Variants in KIAA1217 observed in about 807,000 individuals in gnomAD.
KIAA1217 encodes sickle tail protein homolog.
In KIAA1217, 88 loss-of-function variants were observed where a neutral mutation model predicts 163.9. The observed-to-expected ratio is 0.54, with a 90% CI of 0.45 to 0.64. The LOEUF is 0.64. KIAA1217 is among the 30% of genes least tolerant of loss of function. KIAA1217 has a pLI of 0.00. For missense variants in KIAA1217, 2,372 were observed against 2,475.0 expected (o/e 0.96, Z 0.88); for synonymous variants, 903 against 923.1 (o/e 0.98, Z 0.39).
intron 3 of KIAA1217, among the ~76,000 whole-genome samples, chr10:24,407,764 C>T (rs1412209680): frequency 6.6e-6 from 1 of 152,240 alleles, no homozygotes; most frequent in Middle Eastern, 3.4e-3. Context: ...GATGGCAGTC[C>T]TTAACTGCCA....
intron 2 of KIAA1217, among the ~76,000 whole-genome samples, chr10:24,373,818 C>T (rs2052052841): frequency 6.6e-6 from 1 of 152,192 alleles, no homozygotes; most frequent in Non-Finnish European, 1.5e-5. Context: ...GAGGATGCCT[C>T]AGTGCAGGGA....
At chr10:24,490,117 A>G (rs886294767) in intron 6 of KIAA1217, among the ~76,000 whole-genome samples, 4 of 152,184 alleles carry the variant, frequency 2.6e-5, no homozygotes, top group African/African-American at 9.6e-5. Context: ...TTATGTTTGG[A>G]TCATGAGAAG....
intron 1 of KIAA1217, among the ~76,000 whole-genome samples, chr10:23,788,499 G>T (rs1835598048): frequency 2.0e-5 from 3 of 152,122 alleles, no homozygotes; most frequent in South Asian, 2.1e-4. Flanking sequence ...TCCAAAAAAG[G>T]CTTGGTAGGG....
chr10:23,978,857 A>G (rs1235224483), intron 1 of KIAA1217, among the ~76,000 whole-genome samples: 1 of 152,176 alleles, frequency 6.6e-6, no homozygotes, highest in Non-Finnish European at 1.5e-5. Context: ...CTCTCCTATG[A>G]GGCCACTGAG....
intron 2 of KIAA1217, among the ~76,000 whole-genome samples, chr10:24,363,857 C>A (rs2050370037): frequency 6.6e-6 from 1 of 152,166 alleles, no homozygotes; most frequent in African/African-American, 2.4e-5. Flanking sequence ...CAGGCATGGG[C>A]CACCGCACCA....
At chr10:23,899,936 C>T (rs1336234652) in intron 1 of KIAA1217, among the ~76,000 whole-genome samples, 1 of 150,946 alleles carries the variant, frequency 6.6e-6, no homozygotes, top group Non-Finnish European at 1.5e-5. Flanking sequence ...TCCTTCTTCC[C>T]TCCCTTCCTC....
At chr10:24,158,423 T>G (rs1038813276) in intron 2 of KIAA1217, 53 of 582,298 alleles carry the variant, frequency 9.1e-5, no homozygotes, top group Admixed American at 3.6e-4. Flanking sequence ...TATGGGAATA[T>G]CTTAAAACAC....
intron 1 of KIAA1217, among the ~76,000 whole-genome samples, chr10:23,957,687 A>G (rs1844630393): frequency 6.6e-6 from 1 of 152,124 alleles, no homozygotes; most frequent in African/African-American, 2.4e-5. Flanking sequence ...GGGCCACTGC[A>G]CTCCAGTCTG....
intron 1 of KIAA1217, among the ~76,000 whole-genome samples, chr10:23,739,134 G>T (rs1474660861): frequency 6.6e-6 from 1 of 152,130 alleles, no homozygotes; most frequent in Non-Finnish European, 1.5e-5. Context: ...CATTTTAAGT[G>T]AAACAATTCA....
At chr10:24,525,982 C>T (rs1298229065) in intron 13 of KIAA1217, among the ~76,000 whole-genome samples, 3 of 152,148 alleles carry the variant, frequency 2.0e-5, no homozygotes, top group African/African-American at 7.2e-5. Context: ...CAGAGTGAGA[C>T]CCTGTCTTAA....
At chr10:24,322,964 G>A (rs2044367798) in intron 2 of KIAA1217, among the ~76,000 whole-genome samples, 1 of 151,894 alleles carries the variant, frequency 6.6e-6, no homozygotes, top group Non-Finnish European at 1.5e-5. Flanking sequence ...GTTTTTTATA[G>A]ACAAAGTCTC....
chr10:23,989,160 G>A (rs1846107060), intron 1 of KIAA1217, among the ~76,000 whole-genome samples: 1 of 152,084 alleles, frequency 6.6e-6, no homozygotes, highest in African/African-American at 2.4e-5. Context: ...AAAACATATT[G>A]TACCTCAGCT....
At chr10:24,087,872 G>A (rs1376387618) in intron 2 of KIAA1217, among the ~76,000 whole-genome samples, 3 of 152,150 alleles carry the variant, frequency 2.0e-5, no homozygotes, top group Non-Finnish European at 2.9e-5. Flanking sequence ...GTTAGAAAGA[G>A]TGTGTCGTGG....
intron 8 of KIAA1217, among the ~76,000 whole-genome samples, chr10:24,499,887 T>G (rs1216679768): frequency 6.6e-6 from 1 of 152,142 alleles, no homozygotes; most frequent in African/African-American, 2.4e-5. Context: ...ATTTGGATGG[T>G]CACTCATGGA....
At chr10:24,350,954 T>A (rs940156966) in intron 2 of KIAA1217, among the ~76,000 whole-genome samples, 5 of 151,990 alleles carry the variant, frequency 3.3e-5, no homozygotes, top group African/African-American at 4.8e-5. Flanking sequence ...CTTTTTTTTT[T>A]ATTATTTTCT....
At chr10:24,355,852 C>T (rs2049036881) in intron 2 of KIAA1217, among the ~76,000 whole-genome samples, 1 of 145,502 alleles carries the variant, frequency 6.9e-6, no homozygotes, top group Non-Finnish European at 1.5e-5. Flanking sequence ...GGGTTCAAGC[C>T]ATTCTCCTGC....
rs1188126072 is a variant in KIAA1217, at chr10:24,066,762, C to T, written c.-171+59388C>T. The stretch of plus-strand genomic sequence containing the variant: ...TTTTCCAACTTGGTTCCATTCTCCC[C>T]GTCAATTTCAGGTACACCAATTAGA... On this transcript the variant is annotated intron_variant, in intron 2 of 18. Coordinates refer to the KIAA1217 transcript ENST00000376462. 4.6e-5 allele frequency among the ~76,000 whole-genome samples: 7 copies of T among 152,294 alleles called. No homozygotes were observed. In the East Asian group the frequency reaches 5.8e-4, roughly 13 times the overall value.
chr10:24,078,660 G>T (rs2061443520), intron 2 of KIAA1217, among the ~76,000 whole-genome samples: 1 of 152,166 alleles, frequency 6.6e-6, no homozygotes. Flanking sequence ...TCTTTTGGCA[G>T]CATTCTTGTT....
chr10:23,752,482 A>T (rs183385682), intron 1 of KIAA1217, among the ~76,000 whole-genome samples: 67 of 152,336 alleles, frequency 4.4e-4, no homozygotes, highest in African/African-American at 1.4e-3. Context: ...ATACTGAAGA[A>T]TTGTTTCTGA....
Sources: allele counts gnomAD v4.1 joint callset (sites outside exome capture counted in the v4.1 genomes callset), GRCh38; gene constraint gnomAD v4.1.1; transcripts MANE v1.5; gene names NCBI Gene and HGNC (gene_info 2026-07-23, HGNC 2026-07-21).